Variants in GALK2 observed in about 807,000 individuals in gnomAD.
GALK2 encodes N-acetylgalactosamine kinase.
A neutral mutation model predicts 52.4 loss-of-function variants in GALK2; 36 were observed. The observed-to-expected ratio is 0.69, with a 90% CI of 0.53 to 0.91. The LOEUF is 0.91. GALK2 is among the 40% of genes least tolerant of loss of function. The probability of loss-of-function intolerance (pLI) is 0.00; values close to 1 mark genes in which losing one functional copy is unlikely to be tolerated. For missense variants in GALK2, 579 were observed against 559.1 expected, an observed-to-expected ratio of 1.04 and a Z score of -0.36; for synonymous variants, 176 against 199.1, an observed-to-expected ratio of 0.88 and a Z score of 0.98.
At chr15:49,305,863 A>G (rs564815536) in intron 8 of GALK2, among the ~76,000 whole-genome samples, 6 of 152,334 alleles carry the variant, frequency 3.9e-5, no homozygotes, top group South Asian at 2.1e-4. Flanking sequence ...TCACTTCCCA[A>G]CTGGCTTCCG....
At chr15:49,180,344 T>G (rs2085862840) in intron 1 of GALK2, among the ~76,000 whole-genome samples, 1 of 152,058 alleles carries the variant, frequency 6.6e-6, no homozygotes. Context: ...AAAGTGGGAG[T>G]TGTACTTATT....
chr15:49,254,017 A>T (rs2091717545), intron 5 of GALK2, among the ~76,000 whole-genome samples: 1 of 144,356 alleles, frequency 6.9e-6, no homozygotes, highest in Non-Finnish European at 1.6e-5. Flanking sequence ...AGAATAAAAG[A>T]AGTGCAGTTA....
chr15:49,225,037 A>G (rs2090048814), intron 3 of GALK2, among the ~76,000 whole-genome samples: 1 of 152,194 alleles, frequency 6.6e-6, no homozygotes, highest in Non-Finnish European at 1.5e-5. Context: ...TGGCCAGCAG[A>G]TAGGCTCTTA....
At chr15:49,178,848 A>G (rs2085735497) in intron 1 of GALK2, 2 of 170,506 alleles carry the variant, frequency 1.2e-5, no homozygotes, top group African/African-American at 2.4e-5. Context: ...GAGTGCTATT[A>G]CGGTTGTGCC....
At chr15:49,209,052 T>C (rs1480408531) in intron 2 of GALK2, among the ~76,000 whole-genome samples, 1 of 152,206 alleles carries the variant, frequency 6.6e-6, no homozygotes, top group East Asian at 1.9e-4. Flanking sequence ...AGTCCTTATG[T>C]ATTAGGTGAG....
chr15:49,316,749 GGAGA>G (rs1471579344), intron 8 of GALK2, among the ~76,000 whole-genome samples: 2 of 152,154 alleles, frequency 1.3e-5, no homozygotes, highest in African/African-American at 4.8e-5. Context: ...AGACCCAGGA[GGAGA>G]GAAAGTCATG....
chr15:49,239,447 C>T (rs1052311016), intron 5 of GALK2, 80 bp downstream of exon 5: 7 of 1,345,100 alleles, frequency 5.2e-6, no homozygotes, highest in Non-Finnish European at 6.3e-6. Context: ...AGAATGCCTT[C>T]CTTGATTGAA....
At chr15:49,336,827 TGATA>T (rs1005367159), downstream of GALK2, among the ~76,000 whole-genome samples, 7 of 152,116 alleles carry the variant, frequency 4.6e-5, no homozygotes, top group Admixed American at 1.3e-4. Flanking sequence ...GCACAGAACA[TGATA>T]GATAGTTTTT....
At chr15:49,257,216 A>C (rs1229275762) in intron 5 of GALK2, among the ~76,000 whole-genome samples, 1 of 152,162 alleles carries the variant, frequency 6.6e-6, no homozygotes, top group Non-Finnish European at 1.5e-5. Flanking sequence ...TTTGTCTGTT[A>C]TATACAGACA....
chr15:49,235,706 G>A, intron 3 of GALK2, 145 bp from the exon 4 acceptor site: 1 of 769,636 alleles, frequency 1.3e-6, no homozygotes, highest in East Asian at 2.4e-5. Flanking sequence ...AGCTGGAGAT[G>A]TTTTGCTGTA....
rs144048215 is a variant in GALK2 at position 49,183,427 on chromosome 15, A to G, written c.53+13052A>G. The stretch of plus-strand genomic sequence containing the variant: ...TAACTTATTCATTGACCTACTGGTC[A>G]TTCAGGAACATATTGTTTAATTGTG... On this transcript the variant is annotated intron_variant, in intron 1 of 9. Coordinates refer to ENST00000560031, the MANE Select transcript of GALK2 (RefSeq NM_002044.4). Among the ~76,000 whole-genome samples, 334 of 152,350 alleles carry G rather than the reference A, an allele frequency of 2.2e-3. 2 individuals carry two copies. Among genetic ancestry groups the G allele is most frequent in the African/African-American group, 7.7e-3 (320 of 41,584 alleles).
chr15:49,225,262 C>A, intron 3 of GALK2: 1 of 455,972 alleles, frequency 2.2e-6, no homozygotes, highest in Non-Finnish European at 4.4e-6. Context: ...ATAGGCCACA[C>A]CATTCTTGGA....
At chr15:49,266,040 T>G (rs2092349213) in intron 5 of GALK2, among the ~76,000 whole-genome samples, 2 of 152,198 alleles carry the variant, frequency 1.3e-5, no homozygotes, top group Admixed American at 1.3e-4. Flanking sequence ...TTCTGTCTAT[T>G]TTGTCTGGAC....
At chr15:49,219,220 G>T (rs1183676864) in intron 3 of GALK2, among the ~76,000 whole-genome samples, 2 of 152,112 alleles carry the variant, frequency 1.3e-5, no homozygotes, top group African/African-American at 2.4e-5. Flanking sequence ...GGAGGAACCT[G>T]GTAGGAGGTA....
intron 3 of GALK2, among the ~76,000 whole-genome samples, chr15:49,359,020 A>G (rs2043699602): frequency 6.6e-6 from 1 of 152,064 alleles, no homozygotes; most frequent in Non-Finnish European, 1.5e-5. Context: ...GGTGCTGGGA[A>G]AACTGGCTAG....
intron 9 of GALK2, among the ~76,000 whole-genome samples, chr15:49,322,418 G>A (rs2036952160): frequency 6.6e-6 from 1 of 152,174 alleles, no homozygotes; most frequent in Non-Finnish European, 1.5e-5. Flanking sequence ...GGTCCTTAAA[G>A]CTTCTTATAT....
intron 3 of GALK2, among the ~76,000 whole-genome samples, chr15:49,351,892 T>A (rs907483644): frequency 2.0e-4 from 30 of 152,216 alleles, no homozygotes; most frequent in Admixed American, 9.2e-4. Context: ...AGTTGTCTAT[T>A]GCTATATAAC....
At chr15:49,260,827 C>A (rs1190231554) in intron 5 of GALK2, among the ~76,000 whole-genome samples, 1 of 152,078 alleles carries the variant, frequency 6.6e-6, no homozygotes, top group African/African-American at 2.4e-5. Flanking sequence ...ATAGGGAATC[C>A]TTTCCCCATT....
At chr15:49,191,339 C>T (rs956861294) in intron 1 of GALK2, among the ~76,000 whole-genome samples, 1 of 152,036 alleles carries the variant, frequency 6.6e-6, no homozygotes, top group African/African-American at 2.4e-5. Flanking sequence ...CTCTCTCTCT[C>T]CTGATTTCTT....
Sources: gnomAD v4.1 joint callset for allele counts (sites outside exome capture counted in the v4.1 genomes callset) on GRCh38, gnomAD v4.1.1 for gene constraint, MANE v1.5 for transcripts, NCBI Gene and HGNC (gene_info 2026-07-23, HGNC 2026-07-21) for gene names.